Variants in PRDM16 observed in about 807,000 individuals in gnomAD.
PRDM16 encodes the protein histone-lysine N-methyltransferase PRDM16.
A neutral mutation model predicts 110.6 loss-of-function variants in PRDM16; 23 were observed. That is an observed-to-expected ratio of 0.21 (90% CI 0.15 to 0.29). PRDM16 has a LOEUF of 0.29. Among genes scored for constraint, PRDM16 ranks in the 10% least tolerant of loss-of-function variants. The probability of loss-of-function intolerance (pLI) is 1.00; values close to 1 mark genes in which losing one functional copy is unlikely to be tolerated. For synonymous variants in PRDM16, 799 were observed against 781.8 expected (o/e 1.02, Z -0.37); for missense variants, 1,615 against 1,794.3 (o/e 0.90, Z 1.81).
intron 5 of PRDM16, among the ~76,000 whole-genome samples, chr1:3,399,630 A>G (rs1045462024): frequency 4.6e-5 from 7 of 152,226 alleles, no homozygotes; most frequent in Non-Finnish European, 2.9e-5. Context: ...CATCACGTCC[A>G]GGGCACCCTC....
At chr1:3,188,625 C>T (rs1308211876) in intron 2 of PRDM16, among the ~76,000 whole-genome samples, 3 of 152,380 alleles carry the variant, frequency 2.0e-5, no homozygotes, top group Non-Finnish European at 2.9e-5. Flanking sequence ...CGCCCTCAAA[C>T]GGTGCTCCCC....
intron 2 of PRDM16, among the ~76,000 whole-genome samples, chr1:3,205,516 C>G (rs1411907360): frequency 1.3e-5 from 2 of 152,086 alleles, no homozygotes; most frequent in Non-Finnish European, 2.9e-5. Context: ...GCCAGGAAAA[C>G]AGAGGTGGGG....
intron 1 of PRDM16, among the ~76,000 whole-genome samples, chr1:3,165,389 T>TTG (rs1643940019): frequency 6.8e-6 from 1 of 147,520 alleles, no homozygotes; most frequent in African/African-American, 2.5e-5. Flanking sequence ...AGACAGGGAC[T>TTG]CACCAGGGCT....
At chr1:3,199,524 G>T (rs1057465480) in intron 2 of PRDM16, among the ~76,000 whole-genome samples, 4 of 152,158 alleles carry the variant, frequency 2.6e-5, no homozygotes, top group Non-Finnish European at 4.4e-5. Context: ...AGAAAGAAGG[G>T]AGGAGAGGCT....
chr1:3,319,679 G>T (rs948132722), intron 3 of PRDM16, among the ~76,000 whole-genome samples: 2 of 152,120 alleles, frequency 1.3e-5, no homozygotes, highest in Non-Finnish European at 2.9e-5. Context: ...GGAAATCGAA[G>T]CCTAGGGGTC....
intron 3 of PRDM16, among the ~76,000 whole-genome samples, chr1:3,371,571 T>TCACC (rs1014397672): frequency 2.0e-5 from 3 of 146,872 alleles, no homozygotes; most frequent in Admixed American, 1.3e-4. Flanking sequence ...ACCCACCCAC[T>TCACC]CACCCATCCT....
chr1:3,335,847 G>A (rs918643206), intron 3 of PRDM16, among the ~76,000 whole-genome samples: 4 of 152,288 alleles, frequency 2.6e-5, no homozygotes, highest in African/African-American at 4.8e-5. Flanking sequence ...CAGGAGGCCC[G>A]GGGGCCAAGT....
rs565552962 is a variant in PRDM16, at chr1:3,300,654, C to T, written c.438+56517C>T. Among the ~76,000 whole-genome samples, 53 of 152,296 alleles carry T rather than the reference C, an allele frequency of 3.5e-4. No homozygotes were observed. In the South Asian group the frequency reaches 4.6e-3, roughly 13 times the overall value. On this transcript the variant is annotated intron_variant, in intron 3 of 16. Coordinates refer to ENST00000270722, the MANE Select transcript of PRDM16 (RefSeq NM_022114.4). ...TTGTGCCAGGGAAAATGGATTCTGC[C>T]GGTGTCTGACTCTACCAAGATCCAC...
chr1:3,287,080 G>C (rs1340412536), intron 3 of PRDM16, among the ~76,000 whole-genome samples: 2 of 152,180 alleles, frequency 1.3e-5, no homozygotes. Flanking sequence ...TGAGGTCCTG[G>C]GGGCCTGGAG....
At position 3,143,848 on chromosome 1, in the gene PRDM16, G is replaced by A. The variant is rs1643596838; in HGVS notation, c.38-42277G>A. Among the ~76,000 whole-genome samples, 1 of 152,180 alleles carries A rather than the reference G, an allele frequency of 6.6e-6. No homozygotes were observed. The highest frequency in any genetic ancestry group is 2.1e-4 in the South Asian group (1 of 4,824). On this transcript the variant is annotated intron_variant, in intron 1 of 16. Transcript: ENST00000270722. This position sits in a 1 kb window ranked among gnomAD's most constrained non-coding sequence, Gnocchi z 4.5. The stretch of plus-strand genomic sequence containing the variant: ...ACACACCTCTGGTCTGCAGCCCCTG[G>A]GAGCTGAGGCCCTGTCTGTGGATGG...
intron 3 of PRDM16, among the ~76,000 whole-genome samples, chr1:3,253,720 A>T (rs1318369990): frequency 1.3e-5 from 2 of 152,168 alleles, no homozygotes; most frequent in East Asian, 3.9e-4. Flanking sequence ...TTGGGTATAT[A>T]CCCAGTAATG....
At chr1:3,224,846 A>C (rs1221605398) in intron 2 of PRDM16, among the ~76,000 whole-genome samples, 2 of 152,250 alleles carry the variant, frequency 1.3e-5, no homozygotes, top group African/African-American at 4.8e-5. Flanking sequence ...AGCTCTGGGA[A>C]GGACTATGCA....
chr1:3,084,637 C>T lies in PRDM16; in HGVS notation c.37+15341C>T, dbSNP rs112414567. Among the ~76,000 whole-genome samples the T allele has an allele frequency of 6.0e-3, 921 of 152,348 alleles. 10 individuals are homozygous for T. The highest frequency in any genetic ancestry group is 0.02 in the African/African-American group (852 of 41,572). ...TTGAGCCAGGGAGGCACCGTCCATT[C>T]TGCACTTGTCCTTGAGAATTTGAGT... On this transcript the variant is annotated intron_variant, in intron 1 of 16. Transcript: ENST00000270722.
rs762966783 is a variant in PRDM16 at position 3,345,855 on chromosome 1, G to A, written c.439-39297G>A. Among the ~76,000 whole-genome samples the A allele has an allele frequency of 7.9e-5, 12 of 151,906 alleles. No individual in the cohort carries two copies. The East Asian group carries it at 1.2e-3, about 15-fold the overall frequency. ...TCCTCCCGTGCTGCCCTCTGCAGCCGAGGGTTTTTCTTGGCAGCTGTCTCA... is the reference window on the plus strand; with the variant it reads ...TCCTCCCGTGCTGCCCTCTGCAGCCAAGGGTTTTTCTTGGCAGCTGTCTCA... On this transcript the variant is annotated intron_variant, in intron 3 of 16. Transcript: ENST00000270722.
intron 1 of PRDM16, among the ~76,000 whole-genome samples, chr1:3,089,682 G>T (rs1642229559): frequency 6.6e-6 from 1 of 152,260 alleles, no homozygotes; most frequent in Non-Finnish European, 1.5e-5. Context: ...AGCGCAGGGA[G>T]CCTCTGGTCT....
At chr1:3,280,052 A>G (rs1640679995) in intron 3 of PRDM16, among the ~76,000 whole-genome samples, 1 of 120,320 alleles carries the variant, frequency 8.3e-6, no homozygotes, top group African/African-American at 3.3e-5. Flanking sequence ...AGCAGGGTGA[A>G]AAAAAAAAAA....
intron 3 of PRDM16, among the ~76,000 whole-genome samples, chr1:3,323,406 G>A (rs1400806447): frequency 6.6e-6 from 1 of 152,246 alleles, no homozygotes; most frequent in East Asian, 1.9e-4. Flanking sequence ...CGCCAGAAGC[G>A]ATGAGCGGAA....
chr1:3,110,496 G>C (rs1642766391), intron 1 of PRDM16, among the ~76,000 whole-genome samples: 1 of 142,126 alleles, frequency 7.0e-6, no homozygotes, highest in Non-Finnish European at 1.5e-5. Flanking sequence ...AGTGTCTGAG[G>C]CTCCCCCATG....
At chr1:3,072,576 G>A (rs562737866) in intron 1 of PRDM16, among the ~76,000 whole-genome samples, 2 of 152,326 alleles carry the variant, frequency 1.3e-5, no homozygotes, top group African/African-American at 2.4e-5. Flanking sequence ...AGAGGTAAGC[G>A]GGGCTGGCGG....
Sources: gnomAD v4.1 joint callset for allele counts (sites outside exome capture counted in the v4.1 genomes callset) on GRCh38, gnomAD v4.1.1 for gene constraint, Gnocchi (gnomAD v3.1) non-coding constraint, MANE v1.5 for transcripts, NCBI Gene and HGNC (gene_info 2026-07-23, HGNC 2026-07-21) for gene names.